Variants in UCK2 observed in about 807,000 individuals in gnomAD.
UCK2 encodes cytidine monophosphokinase 2.
UCK2 carries 6 observed loss-of-function variants against 30.8 expected under a neutral mutation model. The observed-to-expected ratio is 0.19, with a 90% confidence interval of 0.11 to 0.38. UCK2 has a LOEUF of 0.38. Ranked by LOEUF, UCK2 falls within the 10% of genes least tolerant of loss-of-function variation. The probability of loss-of-function intolerance (pLI) is 1.00; values close to 1 mark genes in which losing one functional copy is unlikely to be tolerated. For synonymous variants in UCK2, 125 were observed against 133.6 expected (o/e 0.94, Z 0.45); for missense variants, 210 against 339.8 (o/e 0.62, Z 3.00).
At chr1:165,878,950 C>A (rs1422487856) in intron 1 of UCK2, among the ~76,000 whole-genome samples, 1 of 152,190 alleles carries the variant, frequency 6.6e-6, no homozygotes, top group African/African-American at 2.4e-5. Context: ...AGTGAGAGTT[C>A]CTGTTGCTCC....
At chr1:165,896,068 C>T (rs961294656) in intron 3 of UCK2, 122 bp from the exon 4 acceptor site, 83 of 1,292,450 alleles carry the variant, frequency 6.4e-5, no homozygotes, top group Admixed American at 1.8e-4. Flanking sequence ...CTTTAGCCCC[C>T]GCTTGAAGTC....
At position 165,863,439 on chromosome 1, in the gene UCK2, T is replaced by G. The variant is rs971175079; in HGVS notation, c.100-26765T>G. 5.3e-5 allele frequency among the ~76,000 whole-genome samples: 8 copies of G among 152,344 alleles called. No individual in the cohort carries two copies. The South Asian group carries it at 1.7e-3, about 32-fold the overall frequency. ...TTTCCTGATTTTGTTAAGCAGATCT[T>G]CAGTATTTCATCAGCAGTATGGGTT... is the stretch of plus-strand genomic sequence containing the variant. On this transcript the variant is annotated intron_variant, in intron 1 of 6. Transcript: ENST00000367879.
chr1:165,894,780 T>C (rs893283599), intron 3 of UCK2, among the ~76,000 whole-genome samples: 4 of 151,900 alleles, frequency 2.6e-5, no homozygotes, highest in Admixed American at 2.6e-4. Flanking sequence ...TCAGGAAGTG[T>C]TTATGGGAAG....
Position 165,868,354 on chromosome 1 carries a change from C to T in UCK2, c.100-21850C>T, listed in dbSNP as rs1317533346. Among the ~76,000 whole-genome samples the T allele has an allele frequency of 2.0e-5, 3 of 152,176 alleles. No homozygotes were observed. In the South Asian group the frequency reaches 6.2e-4, roughly 32 times the overall value. Reference sequence around the variant, plus strand: ...GCCTCTAACAAGAGAGTCATCCTGTCCTTTGAAGCTTTGAAGTCAGGCATT... The same window carrying T: ...GCCTCTAACAAGAGAGTCATCCTGTTCTTTGAAGCTTTGAAGTCAGGCATT... On this transcript the variant is annotated intron_variant, in intron 1 of 6. Transcript: ENST00000367879.
chr1:165,880,760 A>G (rs780695283), intron 1 of UCK2, among the ~76,000 whole-genome samples: 5 of 152,144 alleles, frequency 3.3e-5, no homozygotes, highest in Non-Finnish European at 7.3e-5. Flanking sequence ...TGCCCCTTGA[A>G]TCTCAAGCAT....
intron 1 of UCK2, among the ~76,000 whole-genome samples, chr1:165,878,847 G>T (rs1163030307): frequency 6.6e-6 from 1 of 152,220 alleles, no homozygotes; most frequent in Non-Finnish European, 1.5e-5. Flanking sequence ...GAACATGGGT[G>T]CTGGATTGTA....
intron 2 of UCK2, 137 bp downstream of exon 2, chr1:165,890,500 G>A (rs1655738990): frequency 1.2e-6 from 1 of 847,980 alleles, no homozygotes; most frequent in Admixed American, 2.5e-5. Context: ...TAACTACCTT[G>A]CAGTGTTATT....
intron 1 of UCK2, among the ~76,000 whole-genome samples, chr1:165,841,815 T>G (rs2185268): frequency 0.48 from 73,050 of 151,912 alleles, 18,267 homozygotes; most frequent in African/African-American, 0.63. Flanking sequence ...GTCATTCTCT[T>G]GTGTCATGGT....
intron 1 of UCK2, among the ~76,000 whole-genome samples, chr1:165,840,293 T>C (rs1001969125): frequency 3.3e-5 from 5 of 152,268 alleles, no homozygotes; most frequent in South Asian, 2.1e-4. Context: ...ATTTATGGTG[T>C]GCCCATTAAT....
In UCK2 at chr1:165,907,794, G is replaced by T. The variant is rs1647720130; in HGVS notation, c.757G>T (p.Ala253Ser). The change falls in exon 7 of 7, where the codon GCA becomes TCA. Residue 253 changes from alanine to serine, a missense_variant. Ala to Ser is a moderately conservative substitution (Grantham distance 99, BLOSUM62 1). Coordinates refer to ENST00000367879, the MANE Select transcript of UCK2 (RefSeq NM_012474.5). Reference protein sequence around the residue: ...NGYTPSRKRQASESSSRPH With the variant: ...NGYTPSRKRQSSESSSRPH ...CTACACCCCTTCACGCAAGAGGCAG[G>T]CATCGGAGTCCAGCAGCAGGCCGCA... The T allele has an allele frequency of 6.2e-7, 1 of 1,614,058 alleles. No individual in the cohort carries two copies. The highest frequency in any genetic ancestry group is 1.1e-5 in the South Asian group (1 of 91,088).
chr1:165,873,088 G>A (rs1032466164), intron 1 of UCK2, among the ~76,000 whole-genome samples: 1 of 152,104 alleles, frequency 6.6e-6, no homozygotes, highest in East Asian at 1.9e-4. Flanking sequence ...GACCAGGGTA[G>A]GAACTACCGA....
intron 1 of UCK2, among the ~76,000 whole-genome samples, chr1:165,829,176 T>C (rs1016645012): frequency 6.6e-6 from 1 of 152,148 alleles, no homozygotes; most frequent in South Asian, 2.1e-4. Context: ...ATGAAGTTGA[T>C]CTCGTCCGTA....
intron 1 of UCK2, among the ~76,000 whole-genome samples, chr1:165,862,396 A>G (rs1476683122): frequency 6.6e-6 from 1 of 152,196 alleles, no homozygotes; most frequent in Non-Finnish European, 1.5e-5. Flanking sequence ...ATGTAGGCAC[A>G]AGGCAGAGGC....
In UCK2 at chr1:165,883,480, G is replaced by C. The variant is rs149881087; in HGVS notation, c.100-6724G>C. On this transcript the variant is annotated intron_variant, in intron 1 of 6. Transcript: ENST00000367879. ...AGACACACCCCCACCCCCCAGTCCAGGTGCCTGAGAATAAAAACTTAGTCA... is the reference window on the plus strand; with the variant it reads ...AGACACACCCCCACCCCCCAGTCCACGTGCCTGAGAATAAAAACTTAGTCA... Among the ~76,000 whole-genome samples, 10 of 152,296 alleles carry C rather than the reference G, an allele frequency of 6.6e-5. 3 individuals are homozygous for C. The highest frequency in any genetic ancestry group is 2.4e-4 in the African/African-American group (10 of 41,558).
intron 1 of UCK2, among the ~76,000 whole-genome samples, chr1:165,842,144 G>C (rs1222808755): frequency 1.3e-5 from 2 of 152,136 alleles, no homozygotes; most frequent in Non-Finnish European, 2.9e-5. Flanking sequence ...TGGTTTCACT[G>C]CTCTTGGCTG....
Position 165,894,341 on chromosome 1 carries a change from C to T in UCK2, c.357-1849C>T, listed in dbSNP as rs1218861916. ...ACTCTCCTTGGTGTAGGGGAGTTGC[C>T]TAGAGAGTGGCTCACTATTTCACTT... On this transcript the variant is annotated intron_variant, in intron 3 of 6. Coordinates refer to ENST00000367879, the MANE Select transcript of UCK2 (RefSeq NM_012474.5). 2.6e-5 allele frequency: 4 copies of T among 152,106 alleles called. 1 individual carries two copies. The highest frequency in any genetic ancestry group is 2.9e-5 in the Non-Finnish European group (2 of 68,024). The allele number at this position is 152,106 out of a possible 1,614,324, so 9.4% of individuals were successfully genotyped here. A position where few individuals can be genotyped will look rare whatever the true frequency, so the allele number is the denominator to read the frequency against.
At chr1:165,834,664 T>TG (rs1654144258) in intron 1 of UCK2, among the ~76,000 whole-genome samples, 1 of 152,222 alleles carries the variant, frequency 6.6e-6, no homozygotes, top group South Asian at 2.1e-4. Flanking sequence ...AAAATTCAGT[T>TG]TGCTTTGCCA....
chr1:165,910,267 T>C lies in UCK2; in HGVS notation c.*2444T>C, dbSNP rs932547049. 1.3e-5 allele frequency: 2 copies of C among 152,118 alleles called. No individual in the cohort carries two copies. Among genetic ancestry groups the C allele is most frequent in the Non-Finnish European group, 2.9e-5 (2 of 68,022 alleles). The allele number at this position is 152,118 out of a possible 1,614,324, so 9.4% of individuals were successfully genotyped here. A position where few individuals can be genotyped will look rare whatever the true frequency, so the allele number is the denominator to read the frequency against. On this transcript the variant is annotated 3_prime_UTR_variant, in exon 7 of 7. Coordinates refer to ENST00000367879, the MANE Select transcript of UCK2 (RefSeq NM_012474.5). Reference sequence around the variant, plus strand: ...GAGCTTTCTATGGAACAAACAATGGTCTTAGTTTTTTAAGAGCCTCTGGGT... The same window carrying C: ...GAGCTTTCTATGGAACAAACAATGGCCTTAGTTTTTTAAGAGCCTCTGGGT...
intron 3 of UCK2, among the ~76,000 whole-genome samples, chr1:165,893,177 G>A (rs1655813205): frequency 6.6e-6 from 1 of 152,182 alleles, no homozygotes; most frequent in Admixed American, 6.5e-5. Context: ...GTTGACAGGA[G>A]CCAGGGCCTG....
Sources: allele counts gnomAD v4.1 joint callset (sites outside exome capture counted in the v4.1 genomes callset), GRCh38; gene constraint gnomAD v4.1.1; transcripts MANE v1.5; gene names NCBI Gene and HGNC (gene_info 2026-07-23, HGNC 2026-07-21).